The following SLC25A48 variants were observed in gnomAD, a reference collection of about 807,000 sequenced individuals.
SLC25A48 encodes the protein CTC-321K16.1.
SLC25A48 carries 29 observed loss-of-function variants against 32.2 expected under a neutral mutation model. The ratio of observed to expected loss-of-function variants is 0.90; its 90% confidence interval spans 0.67 to 1.23. SLC25A48 has a LOEUF of 1.23. Among genes scored for constraint, SLC25A48 ranks in the 50% most tolerant of loss-of-function variants. SLC25A48 has a pLI of 0.00. For synonymous variants in SLC25A48, 164 were observed against 172.3 expected, an observed-to-expected ratio of 0.95 and a Z score of 0.38; for missense variants, 399 against 422.7, an observed-to-expected ratio of 0.94 and a Z score of 0.49.
intron 3 of SLC25A48, among the ~76,000 whole-genome samples, chr5:135,735,847 TGA>T (rs931437605): frequency 3.3e-5 from 5 of 152,180 alleles, no homozygotes; most frequent in African/African-American, 1.2e-4. Flanking sequence ...CTGACTGATC[TGA>T]GAGAGGTCTG....
chr5:135,662,028 A>G (rs1580764754), intron 3 of SLC25A48, among the ~76,000 whole-genome samples: 1 of 151,882 alleles, frequency 6.6e-6, no homozygotes, highest in Admixed American at 6.6e-5. Flanking sequence ...AAAAGATCAT[A>G]CCCCCCACTA....
intron 3 of SLC25A48, among the ~76,000 whole-genome samples, chr5:135,806,656 CTG>C (rs1757471078): frequency 6.7e-6 from 1 of 149,428 alleles, no homozygotes; most frequent in South Asian, 2.1e-4. Context: ...TAACTTAGCA[CTG>C]TGTGTTAATA....
chr5:135,835,067 A>G, intron 1 of SLC25A48, 174 bp downstream of exon 1: 1 of 789,228 alleles, frequency 1.3e-6, no homozygotes, highest in Middle Eastern at 2.3e-4. Context: ...TGCAGTTGCC[A>G]GGGCTAAATT....
chr5:135,755,525 A>G (rs1352910307), intron 3 of SLC25A48, among the ~76,000 whole-genome samples: 1 of 151,902 alleles, frequency 6.6e-6, no homozygotes, highest in African/African-American at 2.4e-5. Context: ...ATGAAATATC[A>G]CTGTGGTATT....
intron 3 of SLC25A48, among the ~76,000 whole-genome samples, chr5:135,681,695 C>T (rs891181088): frequency 2.0e-5 from 3 of 152,146 alleles, no homozygotes; most frequent in African/African-American, 7.2e-5. Flanking sequence ...TTAAGCTTTG[C>T]TCTGAGATTC....
chr5:135,737,506 C>CT (rs1415768562), intron 3 of SLC25A48, among the ~76,000 whole-genome samples: 1 of 152,280 alleles, frequency 6.6e-6, no homozygotes, highest in Admixed American at 6.5e-5. Flanking sequence ...AGAGTAGAAC[C>CT]TCTAGCTGAA....
chr5:135,861,517 G>A (rs149009731), intron 4 of SLC25A48, among the ~76,000 whole-genome samples: 154 of 152,338 alleles, frequency 1.0e-3, no homozygotes, highest in African/African-American at 3.6e-3. Context: ...TAGCTGGGAT[G>A]CAATGAAATG....
chr5:135,732,030 A>T (rs1301200708), intron 3 of SLC25A48, among the ~76,000 whole-genome samples: 1 of 152,266 alleles, frequency 6.6e-6, no homozygotes, highest in Non-Finnish European at 1.5e-5. Context: ...GGGCCTAATA[A>T]AAAGGAGTGT....
At chr5:135,814,192 A>T (rs1757659626) in intron 4 of SLC25A48, among the ~76,000 whole-genome samples, 1 of 152,170 alleles carries the variant, frequency 6.6e-6, no homozygotes, top group Non-Finnish European at 1.5e-5. Context: ...GATGTCCCTG[A>T]CTGGGCTTCT....
At chr5:135,764,109 C>T (rs1001380222) in intron 3 of SLC25A48, among the ~76,000 whole-genome samples, 3 of 152,096 alleles carry the variant, frequency 2.0e-5, no homozygotes, top group Admixed American at 1.3e-4. Context: ...AAGGGGTGTA[C>T]ACCCCTCTGT....
intron 3 of SLC25A48, among the ~76,000 whole-genome samples, chr5:135,654,489 GA>G (rs1394502486): frequency 6.6e-6 from 1 of 152,196 alleles, no homozygotes. Flanking sequence ...GAATTCCACA[GA>G]AAGCTGTTTT....
intron 1 of SLC25A48, among the ~76,000 whole-genome samples, chr5:135,623,735 A>G (rs1263124099): frequency 6.6e-6 from 1 of 152,220 alleles, no homozygotes; most frequent in Admixed American, 6.5e-5. Context: ...AATCATGTTT[A>G]TCATGATTGT....
At chr5:135,700,658 A>T (rs1239292350) in intron 3 of SLC25A48, among the ~76,000 whole-genome samples, 1 of 152,120 alleles carries the variant, frequency 6.6e-6, no homozygotes, top group Non-Finnish European at 1.5e-5. Flanking sequence ...TTTGTGGCCC[A>T]GGTTGTAAAT....
chr5:135,698,985 T>C (rs1162574884), intron 3 of SLC25A48, among the ~76,000 whole-genome samples: 1 of 152,150 alleles, frequency 6.6e-6, no homozygotes, highest in Non-Finnish European at 1.5e-5. Flanking sequence ...AAACCCATCC[T>C]AAAATATTAA....
At chr5:135,742,543 G>C in intron 3 of SLC25A48, 3 of 1,460,890 alleles carry the variant, frequency 2.1e-6, no homozygotes, top group Non-Finnish European at 2.8e-6. Context: ...ACAATACCAA[G>C]ATTTTGTGTT....
Position 135,597,950 on chromosome 5 carries a change from G to C in SLC25A48, c.-849+18353G>C, listed in dbSNP as rs529212771. ...ACTCAGGAGACGGAAGTTGCAGTGA[G>C]CTGAGACTGTGCCACTGCACTTCAG... On this transcript the variant is annotated intron_variant, in intron 1 of 10. Coordinates refer to the SLC25A48 transcript ENST00000646290. 2.0e-5 allele frequency among the ~76,000 whole-genome samples: 3 copies of C among 152,258 alleles called. No homozygotes were observed. In the South Asian group the frequency reaches 6.2e-4, roughly 32 times the overall value.
At chr5:135,737,454 A>T (rs1187989468) in intron 3 of SLC25A48, among the ~76,000 whole-genome samples, 3 of 152,228 alleles carry the variant, frequency 2.0e-5, no homozygotes, top group Non-Finnish European at 4.4e-5. Context: ...CACAGGGGAT[A>T]TGATGGCTTA....
chr5:135,795,877 G>C (rs1359727146), intron 3 of SLC25A48, among the ~76,000 whole-genome samples: 1 of 148,434 alleles, frequency 6.7e-6, no homozygotes, highest in Non-Finnish European at 1.5e-5. Flanking sequence ...CCGATGATAT[G>C]GTTCATAATA....
At chr5:135,705,518 A>T (rs1191479545) in intron 3 of SLC25A48, among the ~76,000 whole-genome samples, 3 of 152,244 alleles carry the variant, frequency 2.0e-5, no homozygotes, top group Admixed American at 2.0e-4. Context: ...AGCAATGATG[A>T]TGACAAAGCA....
Sources: allele counts gnomAD v4.1 joint callset (sites outside exome capture counted in the v4.1 genomes callset), GRCh38; gene constraint gnomAD v4.1.1; transcripts MANE v1.5; gene names NCBI Gene and HGNC (gene_info 2026-07-23, HGNC 2026-07-21).